CEP290: variants seen among roughly 807,000 people sequenced by gnomAD.
CEP290 encodes the protein centrosomal protein 290.
A neutral mutation model predicts 344.9 loss-of-function variants in CEP290; 317 were observed. The ratio of observed to expected loss-of-function variants is 0.92; its 90% confidence interval spans 0.84 to 1.01. The LOEUF is 1.01. CEP290 is among the 50% of genes least tolerant of loss of function. CEP290 has a pLI of 0.00. For missense variants in CEP290, 2,754 were observed against 2,761.4 expected (o/e 1.00, Z 0.06); for synonymous variants, 932 against 895.8 (o/e 1.04, Z -0.72).
Position 88,129,748 on chromosome 12 carries a change from C to T in CEP290, c.798G>A (p.Gln266=). The T allele has an allele frequency of 6.7e-7, 1 of 1,486,106 alleles. No homozygotes were observed. Among genetic ancestry groups the T allele is most frequent in the South Asian group, 1.3e-5 (1 of 78,144 alleles). The allele number at this position is 1,486,106 out of a possible 1,614,324, so 92.1% of individuals were successfully genotyped here. ...EYNRMKAIVH[Q]TDNVIDQLKK... ...TTAACTGATCTATTACATTATCTGT[C>T]TGATGCACAATAGCTTTCATTCTAT... The change falls in exon 10 of 54, where the codon CAG becomes CAA. Residue 266 remains glutamine, a synonymous_variant. Transcript: ENST00000552810.
chr12:88,084,521 T>C lies in CEP290; in HGVS notation c.4704+65A>G. 3.8e-6 allele frequency: 5 copies of C among 1,329,626 alleles called. No homozygotes were observed. The South Asian group carries it at 6.5e-5, about 17-fold the overall frequency. The allele number at this position is 1,329,626 out of a possible 1,614,324, so 82.4% of individuals were successfully genotyped here. A position where few individuals can be genotyped will look rare whatever the true frequency, so the allele number is the denominator to read the frequency against. ...AAAGAAATACCACTTTAGGGTAAAA[T>C]AATATTTAGCATTTGCTTAAAAAAA... On this transcript the variant is annotated intron_variant, in intron 35 of 53. Transcript: ENST00000552810.
intron 18 of CEP290, among the ~76,000 whole-genome samples, 198 bp downstream of exon 18, chr12:88,116,835 G>A (rs1454628276): frequency 1.3e-5 from 2 of 151,918 alleles, no homozygotes; most frequent in Non-Finnish European, 2.9e-5. Flanking sequence ...TTAGCCGGGC[G>A]TGGTGGCGGG....
chr12:88,076,042 G>C (rs2035748812), intron 41 of CEP290, among the ~76,000 whole-genome samples: 1 of 152,112 alleles, frequency 6.6e-6, no homozygotes, highest in African/African-American at 2.4e-5. Context: ...ATTCTGATAG[G>C]AATCAGGTTA....
chr12:88,053,338 A>G (rs1419959171), intron 52 of CEP290, among the ~76,000 whole-genome samples: 1 of 152,218 alleles, frequency 6.6e-6, no homozygotes, highest in African/African-American at 2.4e-5. Flanking sequence ...GAAAGAGCCT[A>G]TACTTAGAAA....
rs983419054 is a variant in CEP290 at position 88,077,576 on chromosome 12, A to C, written c.5586+121T>G. The C allele has an allele frequency of 4.2e-6, 3 of 722,032 alleles. No individual in the cohort carries two copies. The African/African-American group carries it at 5.5e-5, about 13-fold the overall frequency. 44.7% of individuals were successfully genotyped at this position (722,032 alleles called of 1,614,324 possible). On this transcript the variant is annotated intron_variant, in intron 40 of 53. Coordinates refer to ENST00000552810, the MANE Select transcript of CEP290 (RefSeq NM_025114.4). ...AGAAGTCACAAAAGAAATTAATTAC[A>C]TTAATCAAAGTGATTTGAAAGTCAG...
chr12:88,131,279 T>G (rs1380048360), intron 6 of CEP290, 61 bp from the exon 7 acceptor site: 1 of 1,330,244 alleles, frequency 7.5e-7, no homozygotes, highest in Non-Finnish European at 1.0e-6. Context: ...TAATTTTTTT[T>G]TTTTTTGAGA....
intron 34 of CEP290, among the ~76,000 whole-genome samples, chr12:88,085,352 G>C (rs949027758): frequency 1.3e-5 from 2 of 151,870 alleles, no homozygotes; most frequent in Non-Finnish European, 2.9e-5. Flanking sequence ...CTCTTCAAGA[G>C]GATTAAGGTG....
At chr12:88,114,691 C>CA (rs1162849103) in intron 19 of CEP290, 129 bp from the exon 20 acceptor site, 3 of 798,030 alleles carry the variant, frequency 3.8e-6, no homozygotes, top group Admixed American at 3.6e-5. Flanking sequence ...AATAAACATA[C>CA]AAAAAAATTC....
chr12:88,077,018 C>T (rs1365095027), intron 41 of CEP290, among the ~76,000 whole-genome samples: 3 of 151,962 alleles, frequency 2.0e-5, no homozygotes, highest in African/African-American at 7.2e-5. Context: ...ATAGGTATCT[C>T]CTCAAGTAGA....
chr12:88,049,154 G>C lies in CEP290; in HGVS notation c.*30C>G. The C allele has an allele frequency of 7.5e-7, 1 of 1,333,766 alleles. No homozygotes were observed. Among genetic ancestry groups the C allele is most frequent in the Non-Finnish European group, 1.0e-6 (1 of 958,086 alleles). The allele number at this position is 1,333,766 out of a possible 1,614,324, so 82.6% of individuals were successfully genotyped here. On this transcript the variant is annotated 3_prime_UTR_variant, in exon 54 of 54. Transcript: ENST00000552810. ...ATTTAACTTATAAAGTTAATAAATA[G>C]TTAAATGAAACAAAGTTTATAGGTG...
At chr12:88,058,777 T>C in intron 49 of CEP290, 71 bp downstream of exon 49, 1 of 1,431,842 alleles carries the variant, frequency 7.0e-7, no homozygotes, top group South Asian at 1.2e-5. Flanking sequence ...TCCAGAATAG[T>C]GTTGTCTTTT....
At chr12:88,096,768 G>T in intron 27 of CEP290, 120 bp downstream of exon 27, 1 of 575,542 alleles carries the variant, frequency 1.7e-6, no homozygotes, top group Non-Finnish European at 2.9e-6. Context: ...TAGGCAGAAA[G>T]TTCTTTCTTT....
chr12:88,062,461 G>A (rs2034551559), intron 46 of CEP290, among the ~76,000 whole-genome samples: 1 of 152,110 alleles, frequency 6.6e-6, no homozygotes, highest in African/African-American at 2.4e-5. Flanking sequence ...TTCAAGGTAT[G>A]GAGGCATATT....
At chr12:88,052,975 G>C (rs562339001) in intron 52 of CEP290, among the ~76,000 whole-genome samples, 34 of 152,230 alleles carry the variant, frequency 2.2e-4, no homozygotes, top group African/African-American at 7.9e-4. Context: ...GGGACATGTA[G>C]GTTGGATTAT....
chr12:88,100,278 A>C (rs1272238079), intron 26 of CEP290, among the ~76,000 whole-genome samples: 7 of 152,162 alleles, frequency 4.6e-5, no homozygotes, highest in East Asian at 1.9e-4. Context: ...TCAAAAAAAA[A>C]AACAACAAAA....
chr12:88,085,439 T>C (rs1212421418), intron 34 of CEP290, among the ~76,000 whole-genome samples: 1 of 152,136 alleles, frequency 6.6e-6, no homozygotes, highest in Non-Finnish European at 1.5e-5. Flanking sequence ...AATCTACGTT[T>C]CCTGAAATGA....
chr12:88,085,932 A>G (rs2036542013), intron 34 of CEP290, 107 bp downstream of exon 34: 1 of 993,934 alleles, frequency 1.0e-6, no homozygotes. Flanking sequence ...TGAAATTAGC[A>G]ATAGATTCAT....
intron 26 of CEP290, among the ~76,000 whole-genome samples, chr12:88,099,310 A>C (rs770481708): frequency 2.4e-4 from 36 of 152,232 alleles, no homozygotes; most frequent in Non-Finnish European, 4.7e-4. Context: ...CTAGGAGAGA[A>C]ACAGAAATCA....
intron 41 of CEP290, among the ~76,000 whole-genome samples, chr12:88,074,978 C>T (rs2137014298): frequency 6.6e-6 from 1 of 152,256 alleles, no homozygotes; most frequent in East Asian, 1.9e-4. Flanking sequence ...TCCCTGAGTT[C>T]TGTGAGCCAC....
Sources: allele counts gnomAD v4.1 joint callset (sites outside exome capture counted in the v4.1 genomes callset), GRCh38; gene constraint gnomAD v4.1.1; transcripts MANE v1.5; gene names NCBI Gene and HGNC (gene_info 2026-07-23, HGNC 2026-07-21).